Variants in ARHGAP8 observed in about 807,000 individuals in gnomAD.
ARHGAP8 encodes rho GTPase-activating protein 8.
Under a neutral mutation model 46.1 loss-of-function variants are expected in ARHGAP8, and 62 were observed. The ratio of observed to expected loss-of-function variants is 1.34; its 90% confidence interval spans 1.10 to 1.66. The LOEUF (loss-of-function observed/expected upper bound fraction) is 1.66. Ranked by LOEUF, ARHGAP8 falls within the 40% of genes most tolerant of loss-of-function variation. The pLI is 0.00. For missense variants in ARHGAP8, 923 were observed against 568.4 expected, an observed-to-expected ratio of 1.62 and a Z score of -6.34; for synonymous variants, 375 against 243.1, an observed-to-expected ratio of 1.54 and a Z score of -5.05.
chr22:44,791,604 T>G (rs1927693842), intron 2 of ARHGAP8, among the ~76,000 whole-genome samples: 2 of 152,114 alleles, frequency 1.3e-5, no homozygotes, highest in African/African-American at 4.8e-5. Flanking sequence ...CTTGGGAGGC[T>G]GAGGCGGGAG....
chr22:44,808,094 A>G (rs775861473), intron 3 of ARHGAP8, among the ~76,000 whole-genome samples: 4 of 152,108 alleles, frequency 2.6e-5, no homozygotes, highest in Non-Finnish European at 4.4e-5. Context: ...ACATCCACTT[A>G]CTAGCTGTGT....
chr22:44,784,614 A>G (rs1345741588), intron 1 of ARHGAP8, among the ~76,000 whole-genome samples: 1 of 152,116 alleles, frequency 6.6e-6, no homozygotes, highest in Non-Finnish European at 1.5e-5. Context: ...CCTCCAGGAT[A>G]CTGAGAGACA....
intron 1 of ARHGAP8, among the ~76,000 whole-genome samples, chr22:44,757,426 C>T (rs1426448790): frequency 1.3e-5 from 2 of 151,728 alleles, no homozygotes; most frequent in Non-Finnish European, 2.9e-5. Flanking sequence ...TACAGGCATG[C>T]GCCACCACAC....
chr22:44,826,461 GC>G (rs1930529969), intron 7 of ARHGAP8, among the ~76,000 whole-genome samples: 1 of 152,090 alleles, frequency 6.6e-6, no homozygotes, highest in Non-Finnish European at 1.5e-5. Flanking sequence ...GTCTTGCTCT[GC>G]TTCTCAGGCA....
At chr22:44,783,100 C>T (rs1338237477) in intron 1 of ARHGAP8, among the ~76,000 whole-genome samples, 3 of 151,528 alleles carry the variant, frequency 2.0e-5, no homozygotes, top group African/African-American at 7.3e-5. Flanking sequence ...TGCCCCACTC[C>T]ATGTTTCTGC....
chr22:44,808,491 G>A, intron 4 of ARHGAP8, 53 bp downstream of exon 4: 2 of 1,601,158 alleles, frequency 1.2e-6, no homozygotes, highest in Non-Finnish European at 1.7e-6. Context: ...TGTGGCAGGA[G>A]GAGGCATTGT....
chr22:44,804,620 C>T (rs1928808150), intron 3 of ARHGAP8, among the ~76,000 whole-genome samples: 1 of 152,212 alleles, frequency 6.6e-6, no homozygotes, highest in African/African-American at 2.4e-5. Context: ...GGACGTGACC[C>T]TGGCGGGGAG....
chr22:44,849,700 C>T (rs534483799), intron 10 of ARHGAP8: 5 of 152,408 alleles, frequency 3.3e-5, no homozygotes, highest in African/African-American at 9.6e-5. Flanking sequence ...CCTCCAGCGC[C>T]CTCCTTTCTT....
chr22:44,820,165 G>C (rs546649229), intron 5 of ARHGAP8, among the ~76,000 whole-genome samples: 1 of 152,248 alleles, frequency 6.6e-6, no homozygotes, highest in Non-Finnish European at 1.5e-5. Context: ...CAACTCTGCC[G>C]CACGCCGTGT....
intron 2 of ARHGAP8, among the ~76,000 whole-genome samples, 189 bp downstream of exon 2, chr22:44,786,795 G>T (rs1927273146): frequency 6.6e-6 from 1 of 152,140 alleles, no homozygotes; most frequent in Non-Finnish European, 1.5e-5. Flanking sequence ...TGGGCAGATT[G>T]CTTCAGCCCA....
chr22:44,835,631 G>A (rs1931233304), intron 7 of ARHGAP8, among the ~76,000 whole-genome samples: 1 of 152,088 alleles, frequency 6.6e-6, no homozygotes, highest in Non-Finnish European at 1.5e-5. Context: ...AGAAAAAGAA[G>A]GATTGGGGAC....
intron 3 of ARHGAP8, among the ~76,000 whole-genome samples, chr22:44,804,054 C>T (rs573485063): frequency 3.3e-5 from 5 of 151,904 alleles, no homozygotes; most frequent in South Asian, 2.1e-4. Context: ...CCGGGCCTCA[C>T]GCCCTCTTAG....
intron 5 of ARHGAP8, among the ~76,000 whole-genome samples, chr22:44,816,709 G>C (rs1383174522): frequency 6.6e-6 from 1 of 151,272 alleles, no homozygotes; most frequent in African/African-American, 2.4e-5. Context: ...GGAGGCCAAA[G>C]CAGGAGGATT....
intron 7 of ARHGAP8, among the ~76,000 whole-genome samples, chr22:44,834,077 G>A (rs963045878): frequency 4.6e-5 from 7 of 151,782 alleles, no homozygotes; most frequent in African/African-American, 1.7e-4. Flanking sequence ...TTGTCAATTT[G>A]TTGATCTTTT....
At chr22:44,813,500 T>A (rs548796875) in intron 4 of ARHGAP8, among the ~76,000 whole-genome samples, 37 of 149,838 alleles carry the variant, frequency 2.5e-4, no homozygotes, top group Non-Finnish European at 5.0e-4. Flanking sequence ...TACATACACT[T>A]ACACCTACAT....
At chr22:44,828,712 T>G (rs921386691) in intron 7 of ARHGAP8, among the ~76,000 whole-genome samples, 18 of 151,616 alleles carry the variant, frequency 1.2e-4, no homozygotes, top group Admixed American at 3.9e-4. Context: ...CTCGGCCTCC[T>G]ACTGGGATAA....
chr22:44,770,648 G>A lies in ARHGAP8; in HGVS notation c.-71-15809G>A, dbSNP rs138783545. Among the ~76,000 whole-genome samples, 9 of 152,080 alleles carry A rather than the reference G, an allele frequency of 5.9e-5. No homozygotes were observed. In the South Asian group the frequency reaches 1.7e-3, roughly 28 times the overall value. ...CTCACACTTCTGACCTCAGGTGATCGACCCACTTTGGCCTCCCAAAGTGCT... is the reference window on the plus strand; with the variant it reads ...CTCACACTTCTGACCTCAGGTGATCAACCCACTTTGGCCTCCCAAAGTGCT... On this transcript the variant is annotated intron_variant, in intron 1 of 11. Transcript: ENST00000356099.
intron 10 of ARHGAP8, among the ~76,000 whole-genome samples, chr22:44,854,905 C>T (rs529991623): frequency 3.3e-5 from 5 of 152,192 alleles, no homozygotes; most frequent in Admixed American, 6.5e-5. Flanking sequence ...CTTGGCCTCC[C>T]GAAGTGCTGG....
intron 1 of ARHGAP8, among the ~76,000 whole-genome samples, chr22:44,754,850 T>TA (rs990624085): frequency 3.3e-5 from 5 of 151,732 alleles, no homozygotes; most frequent in African/African-American, 9.7e-5. Context: ...TTCACCACAT[T>TA]AAAAAAAACC....
Sources: gnomAD v4.1 joint callset for allele counts (sites outside exome capture counted in the v4.1 genomes callset) on GRCh38, gnomAD v4.1.1 for gene constraint, MANE v1.5 for transcripts, NCBI Gene and HGNC (gene_info 2026-07-23, HGNC 2026-07-21) for gene names.